The following PPIP5K2 variants were observed in gnomAD, a reference collection of about 807,000 sequenced individuals.
PPIP5K2 encodes the protein inositol hexakisphosphate and diphosphoinositol-pentakisphosphate kinase 2.
In PPIP5K2, 105 loss-of-function variants were observed where a neutral mutation model predicts 154.6. That is an observed-to-expected ratio of 0.68 (90% CI 0.58 to 0.80). The LOEUF (loss-of-function observed/expected upper bound fraction) is 0.80. Ranked by LOEUF, PPIP5K2 falls within the 30% of genes least tolerant of loss-of-function variation. PPIP5K2 has a pLI of 0.00. For missense variants in PPIP5K2, 992 were observed against 1,504.6 expected (o/e 0.66, Z 5.64); for synonymous variants, 480 against 490.3 (o/e 0.98, Z 0.28).
In PPIP5K2 at chr5:103,206,012, A is replaced by T. The variant is rs531719154; in HGVS notation, c.*4378A>T. On this transcript the variant is annotated 3_prime_UTR_variant, in exon 31 of 31. Transcript: ENST00000358359. The stretch of plus-strand genomic sequence containing the variant: ...TAGATTAGTGTAGTCTGTTTTATGT[A>T]ATGTATCTTTGCTTTTAGATTGTGC... 14 of 152,262 alleles carry T rather than the reference A, an allele frequency of 9.2e-5. No homozygotes were observed. The East Asian group carries it at 2.1e-3, about 23-fold the overall frequency. The allele number at this position is 152,262 out of a possible 1,614,324, so 9.4% of individuals were successfully genotyped here.
rs1554232461 is a variant in PPIP5K2, at chr5:103,209,394, G to A, written c.*7760G>A. On this transcript the variant is annotated 3_prime_UTR_variant, in exon 31 of 31. Coordinates refer to ENST00000358359, the MANE Select transcript of PPIP5K2 (RefSeq NM_001276277.3). ...ATAAGAGAATTCAGTTCTTCCCAAA[G>A]CAGTGTTTAAAAAAAAAAAGTATTT... 1 of 151,644 alleles carries A rather than the reference G, an allele frequency of 6.6e-6. No individual in the cohort carries two copies. Among genetic ancestry groups the A allele is most frequent in the Non-Finnish European group, 1.5e-5 (1 of 67,940 alleles). The allele number at this position is 151,644 out of a possible 1,614,324, so 9.4% of individuals were successfully genotyped here.
At chr5:103,151,121 TATG>T (rs1290382107) in intron 8 of PPIP5K2, 129 bp from the exon 9 acceptor site, 1 of 599,206 alleles carries the variant, frequency 1.7e-6, no homozygotes, top group African/African-American at 1.9e-5. Context: ...CATTTCTTAT[TATG>T]AAGTAAACCA....
chr5:103,146,456 GATA>G, intron 5 of PPIP5K2, 68 bp from the exon 6 acceptor site: 1 of 1,436,694 alleles, frequency 7.0e-7, no homozygotes, highest in East Asian at 2.4e-5. Context: ...AAAAGTCCTC[GATA>G]ATAATGTGGT....
At chr5:103,152,228 C>T (rs1554211554) in intron 9 of PPIP5K2, among the ~76,000 whole-genome samples, 1 of 151,840 alleles carries the variant, frequency 6.6e-6, no homozygotes, top group Non-Finnish European at 1.5e-5. Context: ...CCATTTTTAA[C>T]CCTATTAGTA....
chr5:103,150,414 T>C (rs1479439945), intron 8 of PPIP5K2, among the ~76,000 whole-genome samples: 3 of 152,138 alleles, frequency 2.0e-5, no homozygotes, highest in Non-Finnish European at 4.4e-5. Flanking sequence ...GGCCATTTTC[T>C]TCACCCAGAT....
intron 23 of PPIP5K2, among the ~76,000 whole-genome samples, chr5:103,179,483 T>G (rs1435425614): frequency 6.6e-6 from 1 of 152,140 alleles, no homozygotes; most frequent in Non-Finnish European, 1.5e-5. Context: ...TATTCATCTG[T>G]GTCCTAGAAC....
chr5:103,138,073 A>G (rs1791869540), intron 4 of PPIP5K2, among the ~76,000 whole-genome samples: 1 of 152,164 alleles, frequency 6.6e-6, no homozygotes, highest in Non-Finnish European at 1.5e-5. Flanking sequence ...GTAATGTTCT[A>G]TCATTGTGAT....
intron 7 of PPIP5K2, among the ~76,000 whole-genome samples, chr5:103,148,928 A>G (rs1237135341): frequency 2.6e-5 from 4 of 152,116 alleles, no homozygotes; most frequent in Non-Finnish European, 2.9e-5. Flanking sequence ...ATAGTTTTCT[A>G]TAGAGAATGA....
At chr5:103,183,803 A>G (rs1490177554) in intron 25 of PPIP5K2, among the ~76,000 whole-genome samples, 1 of 152,208 alleles carries the variant, frequency 6.6e-6, no homozygotes, top group East Asian at 1.9e-4. Context: ...CCATAATTGA[A>G]AAAATTAGAT....
chr5:103,173,822 T>C (rs782119141), intron 20 of PPIP5K2, 36 bp from the exon 21 acceptor site: 1 of 1,286,238 alleles, frequency 7.8e-7, no homozygotes, highest in South Asian at 1.3e-5. Flanking sequence ...TTTGATTATA[T>C]GGTTATGTTT....
intron 5 of PPIP5K2, among the ~76,000 whole-genome samples, chr5:103,144,914 G>T (rs1269497189): frequency 6.6e-6 from 1 of 151,994 alleles, no homozygotes; most frequent in African/African-American, 2.4e-5. Context: ...ATACCAATGG[G>T]ATCATATCAA....
intron 2 of PPIP5K2, among the ~76,000 whole-genome samples, chr5:103,132,154 C>T (rs1004948120): frequency 6.6e-6 from 1 of 152,106 alleles, no homozygotes; most frequent in Non-Finnish European, 1.5e-5. Flanking sequence ...CATTTATAAT[C>T]TATTTGATTT....
At position 103,168,056 on chromosome 5, in the gene PPIP5K2, T is replaced by C. The variant is rs1554218467; in HGVS notation, c.2063-16T>C. On this transcript the variant is annotated splice_polypyrimidine_tract_variant and intron_variant, in intron 18 of 30. Coordinates refer to ENST00000358359, the MANE Select transcript of PPIP5K2 (RefSeq NM_001276277.3). ...ATTTTTAAGTTGCATAAACTAAAAA[T>C]GTTATGTTGTTTTAGATATTCAGCT... 1.3e-6 allele frequency: 2 copies of C among 1,520,438 alleles called. No individual in the cohort carries two copies. The highest frequency in any genetic ancestry group is 4.6e-5 in the East Asian group (2 of 43,926). The allele number at this position is 1,520,438 out of a possible 1,614,324, so 94.2% of individuals were successfully genotyped here.
chr5:103,135,311 C>A (rs1791287812), intron 3 of PPIP5K2, among the ~76,000 whole-genome samples: 1 of 152,022 alleles, frequency 6.6e-6, no homozygotes. Flanking sequence ...ATAAATTTGC[C>A]CAAGGTCACA....
intron 26 of PPIP5K2, 90 bp downstream of exon 26, chr5:103,184,834 A>G: frequency 1.1e-6 from 1 of 906,570 alleles, no homozygotes; most frequent in African/African-American, 1.7e-5. Context: ...AGCATGACCA[A>G]ATGCTATGCT....
At chr5:103,127,360 G>GT (rs60449172) in intron 1 of PPIP5K2, among the ~76,000 whole-genome samples, 7,998 of 151,924 alleles carry the variant, frequency 0.053, 534 homozygotes, top group African/African-American at 0.16. Flanking sequence ...TTTTATTGGT[G>GT]GTTTATCACA....
chr5:103,165,495 G>A (rs1347127263), intron 17 of PPIP5K2, among the ~76,000 whole-genome samples: 1 of 152,022 alleles, frequency 6.6e-6, no homozygotes, highest in Non-Finnish European at 1.5e-5. Flanking sequence ...GTTATGACAT[G>A]TCTGAACAGG....
intron 1 of PPIP5K2, among the ~76,000 whole-genome samples, chr5:103,123,856 T>C (rs140383153): frequency 8.3e-4 from 127 of 152,360 alleles, no homozygotes; most frequent in African/African-American, 3.1e-3. Context: ...AATTAATGAC[T>C]GAACATTGAT....
chr5:103,150,382 GA>G (rs1279275101), intron 8 of PPIP5K2, among the ~76,000 whole-genome samples: 2 of 152,184 alleles, frequency 1.3e-5, no homozygotes, highest in African/African-American at 4.8e-5. Context: ...CTTAGAGCCT[GA>G]GTGGCAAATT....
Sources: gnomAD v4.1 joint callset for allele counts (sites outside exome capture counted in the v4.1 genomes callset) on GRCh38, gnomAD v4.1.1 for gene constraint, MANE v1.5 for transcripts, NCBI Gene and HGNC (gene_info 2026-07-23, HGNC 2026-07-21) for gene names.